Variants in SGMS1 observed in about 807,000 individuals in gnomAD.
SGMS1 encodes the protein phosphatidylcholine:ceramide cholinephosphotransferase 1.
SGMS1 carries 13 observed loss-of-function variants against 46.2 expected under a neutral mutation model. The ratio of observed to expected loss-of-function variants is 0.28; its 90% CI spans 0.18 to 0.45. SGMS1 has a LOEUF of 0.45. Ranked by LOEUF, SGMS1 falls within the 20% of genes least tolerant of loss-of-function variation. SGMS1 has a pLI of 1.00. For missense variants in SGMS1, 324 were observed against 519.9 expected, an observed-to-expected ratio of 0.62 and a Z score of 3.66; for synonymous variants, 203 against 187.8, an observed-to-expected ratio of 1.08 and a Z score of -0.66.
At chr10:50,616,607 A>T (rs1332421656) in intron 1 of SGMS1, among the ~76,000 whole-genome samples, 1 of 152,160 alleles carries the variant, frequency 6.6e-6, no homozygotes, top group African/African-American at 2.4e-5. Context: ...GGAAAGAGGA[A>T]CCAGGGCCTA....
At chr10:50,380,642 G>A (rs1378430328) in intron 6 of SGMS1, among the ~76,000 whole-genome samples, 1 of 152,070 alleles carries the variant, frequency 6.6e-6, no homozygotes, top group African/African-American at 2.4e-5. Context: ...CAAAGCTATG[G>A]AATGAGGTGT....
chr10:50,414,674 A>T (rs1849144985), intron 6 of SGMS1, among the ~76,000 whole-genome samples: 2 of 152,238 alleles, frequency 1.3e-5, no homozygotes, highest in Admixed American at 1.3e-4. Context: ...AAAGAACTCA[A>T]ATAACTTGCC....
At chr10:50,562,782 G>C (rs1801269220) in intron 2 of SGMS1, among the ~76,000 whole-genome samples, 1 of 152,114 alleles carries the variant, frequency 6.6e-6, no homozygotes, top group African/African-American at 2.4e-5. Context: ...CTGACCTCGT[G>C]ATCCGCCCGC....
intron 6 of SGMS1, among the ~76,000 whole-genome samples, chr10:50,364,213 A>G (rs1848298206): frequency 6.6e-6 from 1 of 152,146 alleles, no homozygotes; most frequent in South Asian, 2.1e-4. Context: ...AAGAAAATCC[A>G]AGAAAAAAAC....
intron 1 of SGMS1, among the ~76,000 whole-genome samples, chr10:50,609,221 T>G (rs893341177): frequency 6.6e-6 from 1 of 152,200 alleles, no homozygotes; most frequent in African/African-American, 2.4e-5. Flanking sequence ...TCCACCAGCC[T>G]CAGCCTCCCA....
rs1847189364 is a variant in SGMS1 at position 50,307,023 on chromosome 10, T to G, written c.*119A>C. The G allele has an allele frequency of 4.0e-6, 4 of 1,007,422 alleles. No individual in the cohort carries two copies. In the Admixed American group the frequency reaches 1.1e-4, roughly 27 times the overall value. The allele number at this position is 1,007,422 out of a possible 1,614,324, so 62.4% of individuals were successfully genotyped here. A position where few individuals can be genotyped will look rare whatever the true frequency, so the allele number is the denominator to read the frequency against. ...GTGCTGACCAGGTAACTCAATAGGTTAAGTCAAGGTAACCATTGAAAGATA... is the reference window on the plus strand; with the variant it reads ...GTGCTGACCAGGTAACTCAATAGGTGAAGTCAAGGTAACCATTGAAAGATA... On this transcript the variant is annotated 3_prime_UTR_variant, in exon 11 of 11. Coordinates refer to ENST00000361781, the MANE Select transcript of SGMS1 (RefSeq NM_147156.4). This position sits in a 1 kb window ranked among gnomAD's most constrained non-coding sequence, Gnocchi z 4.2.
intron 2 of SGMS1, among the ~76,000 whole-genome samples, chr10:50,549,043 A>T (rs1299281381): frequency 6.6e-6 from 1 of 152,216 alleles, no homozygotes; most frequent in Non-Finnish European, 1.5e-5. Context: ...GTCAAAAAAC[A>T]ACAGATCCTG....
At chr10:50,527,117 C>T (rs540653625) in intron 2 of SGMS1, among the ~76,000 whole-genome samples, 3 of 150,522 alleles carry the variant, frequency 2.0e-5, no homozygotes, top group African/African-American at 7.3e-5. Flanking sequence ...AAGAACTGGC[C>T]ATGTATTCAA....
chr10:50,563,372 A>C (rs1419132051), intron 2 of SGMS1, among the ~76,000 whole-genome samples: 2 of 152,236 alleles, frequency 1.3e-5, no homozygotes, highest in African/African-American at 4.8e-5. Context: ...AATTACAGGA[A>C]TGTATTATAC....
Position 50,306,155 on chromosome 10 carries a change from A to T in SGMS1, c.*987T>A, listed in dbSNP as rs1262431162. On this transcript the variant is annotated 3_prime_UTR_variant, in exon 11 of 11. Coordinates refer to ENST00000361781, the MANE Select transcript of SGMS1 (RefSeq NM_147156.4). ...TGAACTACCAAATCGACGATAAAAT[A>T]ATTTAAGTGGTACATGTCATTGCTA... 6.6e-6 allele frequency: 1 copy of T among 152,666 alleles called. No homozygotes were observed. Among genetic ancestry groups the T allele is most frequent in the East Asian group, 1.9e-4 (1 of 5,336 alleles). The allele number at this position is 152,666 out of a possible 1,614,324, so 9.5% of individuals were successfully genotyped here. A position where few individuals can be genotyped will look rare whatever the true frequency, so the allele number is the denominator to read the frequency against.
intron 6 of SGMS1, among the ~76,000 whole-genome samples, chr10:50,402,735 ATT>A (rs60249033): frequency 1.3e-4 from 19 of 148,158 alleles, no homozygotes; most frequent in Admixed American, 2.7e-4. Flanking sequence ...AACCAGAACC[ATT>A]TTTTTTTTTT....
At chr10:50,391,879 C>T (rs1417760068) in intron 6 of SGMS1, among the ~76,000 whole-genome samples, 1 of 148,844 alleles carries the variant, frequency 6.7e-6, no homozygotes, top group Non-Finnish European at 1.5e-5. Context: ...ATGTCCTTTG[C>T]AGCAACATGG....
At chr10:50,413,389 T>C (rs142400521) in intron 6 of SGMS1, among the ~76,000 whole-genome samples, 48 of 152,348 alleles carry the variant, frequency 3.2e-4, no homozygotes, top group African/African-American at 9.6e-4. Flanking sequence ...GATTTCAGCA[T>C]ACATTAACTC....
At chr10:50,362,320 T>C (rs773413928) in intron 6 of SGMS1, among the ~76,000 whole-genome samples, 1 of 152,188 alleles carries the variant, frequency 6.6e-6, no homozygotes, top group Non-Finnish European at 1.5e-5. Flanking sequence ...AACACTTATA[T>C]CCCACAGGGA....
rs149374128 is a variant in SGMS1 at position 50,343,973 on chromosome 10, G to A, written c.142C>T (p.Pro48Ser). ...TTGTCAGAGGAGACTCGGCACAAGG[G>A]GGGTTTTTTGAAATCCTCTTGGGTT... is the stretch of plus-strand genomic sequence containing the variant. ...NLTQEDFKKP[P>S]LCRVSSDNGQ... Residue 48 changes from proline to serine, a missense_variant, in exon 7 of 11, where the codon CCC (proline) becomes TCC (serine). By Grantham distance (74) the Pro-to-Ser change is moderately conservative. Around this residue, in one of 2 missense-constraint regions of SGMS1, gnomAD observed 150 missense variants for 169.8 expected, o/e 0.88. Coordinates refer to ENST00000361781, the MANE Select transcript of SGMS1 (RefSeq NM_147156.4). The A allele has an allele frequency of 1.7e-4, 275 of 1,614,028 alleles. No homozygotes were observed. Among genetic ancestry groups the A allele is most frequent in the Non-Finnish European group, 2.2e-4 (260 of 1,180,022 alleles).
Position 50,307,017 on chromosome 10 carries a change from A to G in SGMS1, c.*125T>C. ...ATCACAGTGCTGACCAGGTAACTCA[A>G]TAGGTTAAGTCAAGGTAACCATTGA... On this transcript the variant is annotated 3_prime_UTR_variant, in exon 11 of 11. Transcript: ENST00000361781. This position sits in a 1 kb window ranked among gnomAD's most constrained non-coding sequence, Gnocchi z 4.2. 1 of 957,990 alleles carries G rather than the reference A, an allele frequency of 1.0e-6. No homozygotes were observed. The highest frequency in any genetic ancestry group is 1.5e-6 in the Non-Finnish European group (1 of 659,472). 59.3% of individuals were successfully genotyped at this position (957,990 alleles called of 1,614,324 possible). A position where few individuals can be genotyped will look rare whatever the true frequency, so the allele number is the denominator to read the frequency against.
intron 2 of SGMS1, among the ~76,000 whole-genome samples, chr10:50,561,235 C>A (rs563642332): frequency 6.6e-6 from 1 of 152,328 alleles, no homozygotes; most frequent in South Asian, 2.1e-4. Flanking sequence ...GTGTTTTGGG[C>A]ACCAGTCCCA....
intron 2 of SGMS1, among the ~76,000 whole-genome samples, chr10:50,534,584 T>C (rs1837983328): frequency 6.6e-6 from 1 of 152,210 alleles, no homozygotes; most frequent in South Asian, 2.1e-4. Context: ...ATAAAATTTG[T>C]ATTACTGTTT....
At chr10:50,560,367 T>C (rs1300069573) in intron 2 of SGMS1, among the ~76,000 whole-genome samples, 1 of 138,248 alleles carries the variant, frequency 7.2e-6, no homozygotes, top group Non-Finnish European at 1.5e-5. Context: ...ATAATACATA[T>C]TATATATTAT....
Sources: gnomAD v4.1 joint callset for allele counts (sites outside exome capture counted in the v4.1 genomes callset) on GRCh38, gnomAD v4.1.1 for gene constraint, gnomAD v4.1.1 regional missense constraint, Gnocchi (gnomAD v3.1) non-coding constraint, MANE v1.5 for transcripts, NCBI Gene and HGNC (gene_info 2026-07-23, HGNC 2026-07-21) for gene names.